The following CYP4X1 variants were observed in gnomAD, a reference collection of about 807,000 sequenced individuals.
CYP4X1 encodes cytochrome P450 family 4 subfamily X member 1.
A neutral mutation model predicts 57.9 loss-of-function variants in CYP4X1; 44 were observed. That is an observed-to-expected ratio of 0.76 (90% CI 0.60 to 0.98). The LOEUF is 0.98. Among genes scored for constraint, CYP4X1 ranks in the 50% least tolerant of loss-of-function variants. The pLI, the probability that CYP4X1 is intolerant of heterozygous loss-of-function variation, is 0.00. For synonymous variants in CYP4X1, 227 were observed against 228.6 expected (o/e 0.99, Z 0.06); for missense variants, 532 against 623.9 (o/e 0.85, Z 1.57).
chr1:47,010,962 C>A, the CYP4X1 span, among the ~76,000 whole-genome samples: 2 of 152,136 alleles, frequency 1.3e-5, no homozygotes, highest in Non-Finnish European at 2.9e-5. Context: ...GAATCAATAT[C>A]GTGAAAATGG....
the CYP4X1 span, among the ~76,000 whole-genome samples, chr1:46,980,850 C>G: frequency 6.6e-6 from 1 of 152,026 alleles, no homozygotes. Context: ...CTGATCTTTG[C>G]CAAACCTGAC....
chr1:46,980,029 T>A, the CYP4X1 span, among the ~76,000 whole-genome samples: 1 of 152,196 alleles, frequency 6.6e-6, no homozygotes. Context: ...TCATACTGAA[T>A]GGGCAAAACT....
chr1:46,984,292 G>A, the CYP4X1 span, among the ~76,000 whole-genome samples: 5 of 150,144 alleles, frequency 3.3e-5, no homozygotes, highest in Non-Finnish European at 5.9e-5. Flanking sequence ...TCTGTGGGTT[G>A]CATTTCTTCT....
upstream of CYP4X1, among the ~76,000 whole-genome samples, chr1:47,019,252 T>C (rs769088842): frequency 3.3e-5 from 5 of 152,200 alleles, no homozygotes; most frequent in Non-Finnish European, 7.4e-5. Context: ...CTGCGGTGAT[T>C]ACCCTTATCT....
chr1:46,967,060 C>T, the CYP4X1 span, among the ~76,000 whole-genome samples: 2 of 152,170 alleles, frequency 1.3e-5, no homozygotes, highest in Non-Finnish European at 2.9e-5. Context: ...CAATTAAATG[C>T]TATTCCAGAT....
chr1:47,039,395 A>G lies in CYP4X1; in HGVS notation c.936A>G (p.Thr312=), dbSNP rs2148511921. ...SDIDVHSEVS[T]FLLAGHDTLA... is the part of the protein sequence containing the mutation. ...TTGATGTACACTCTGAAGTGAGCAC[A>G]TTCCTGTTGGCAGGACATGACACCT... The change falls in exon 8 of 12, where the codon ACA becomes ACG. Residue 312 remains threonine, a synonymous_variant. Transcript: ENST00000371901. 6.2e-7 allele frequency: 1 copy of G among 1,613,658 alleles called. No individual in the cohort carries two copies. Among genetic ancestry groups the G allele is most frequent in the Non-Finnish European group, 8.5e-7 (1 of 1,179,764 alleles).
the CYP4X1 span, among the ~76,000 whole-genome samples, chr1:47,017,677 C>G: frequency 6.6e-5 from 10 of 152,300 alleles, no homozygotes; most frequent in African/African-American, 2.4e-4. Flanking sequence ...AAATGCATAT[C>G]TAATTGCCCC....
chr1:47,023,950 C>T lies in CYP4X1; in HGVS notation c.133C>T (p.Pro45Ser), dbSNP rs1214896896. The T allele has an allele frequency of 6.2e-7, 1 of 1,613,304 alleles. No individual in the cohort carries two copies. Among genetic ancestry groups the T allele is most frequent in the Non-Finnish European group, 8.5e-7 (1 of 1,179,914 alleles). The change falls in exon 1 of 12, where the codon CCC becomes TCC. Residue 45 changes from proline (P) to serine (S), a missense_variant. Pro to Ser is a moderately conservative substitution (Grantham distance 74, BLOSUM62 -1). Coordinates refer to ENST00000371901, the MANE Select transcript of CYP4X1 (RefSeq NM_178033.2). Reference protein sequence around the residue: ...RRQRLLRDLRPFPAPPTHWFL... With the variant: ...RRQRLLRDLRSFPAPPTHWFL... The stretch of plus-strand genomic sequence containing the variant: ...GCAGCGGCTGCTGCGGGACCTGCGC[C>T]CCTTCCCAGCGCCCCCCACCCACTG...
chr1:47,032,372 A>T (rs1644134069), intron 3 of CYP4X1, among the ~76,000 whole-genome samples: 1 of 152,176 alleles, frequency 6.6e-6, no homozygotes, highest in Non-Finnish European at 1.5e-5. Flanking sequence ...GAAGTCATTT[A>T]ATCTCTCCCT....
the CYP4X1 span, among the ~76,000 whole-genome samples, chr1:47,017,330 G>A: frequency 6.6e-6 from 1 of 152,202 alleles, no homozygotes; most frequent in South Asian, 2.1e-4. Context: ...TGAAAACAGG[G>A]ATGAAATATC....
the CYP4X1 span, among the ~76,000 whole-genome samples, chr1:46,998,405 T>A: frequency 6.6e-6 from 1 of 152,124 alleles, no homozygotes; most frequent in African/African-American, 2.4e-5. Flanking sequence ...AAATTCCTGA[T>A]TTGCCCATTT....
At chr1:46,993,106 C>T in the CYP4X1 span, among the ~76,000 whole-genome samples, 16 of 129,406 alleles carry the variant, frequency 1.2e-4, no homozygotes, top group African/African-American at 2.0e-4. Context: ...CAACAGGTCC[C>T]GGTGTGTGAT....
intron 1 of CYP4X1, among the ~76,000 whole-genome samples, chr1:47,025,486 T>C (rs1644052961): frequency 1.3e-5 from 2 of 152,344 alleles, no homozygotes; most frequent in South Asian, 4.1e-4. Context: ...TTACACTTCA[T>C]ATTCCACTGT....
the CYP4X1 span, among the ~76,000 whole-genome samples, chr1:47,009,880 A>G: frequency 1.3e-5 from 2 of 152,236 alleles, no homozygotes; most frequent in Non-Finnish European, 1.5e-5. Flanking sequence ...GAATGTCTGA[A>G]TAGACCAATA....
At chr1:47,021,168 A>AAAAAAT, upstream of CYP4X1, among the ~76,000 whole-genome samples, 1 of 149,378 alleles carries the variant, frequency 6.7e-6, no homozygotes, top group African/African-American at 2.5e-5. Context: ...AAAAAAAAAA[A>AAAAAAT]GGAAGGAGGC....
the CYP4X1 span, chr1:46,961,637 C>T: frequency 1.6e-6 from 2 of 1,289,926 alleles, no homozygotes; most frequent in Admixed American, 2.3e-5. Flanking sequence ...GCTGAAGTTC[C>T]CACCCTGCTT....
the CYP4X1 span, among the ~76,000 whole-genome samples, chr1:47,013,241 T>C: frequency 8.1e-4 from 124 of 152,358 alleles, no homozygotes; most frequent in Non-Finnish European, 1.5e-3. Flanking sequence ...TCACTATATA[T>C]GTCTGCGTAA....
intron 3 of CYP4X1, among the ~76,000 whole-genome samples, chr1:47,031,970 G>A (rs1157511547): frequency 6.6e-6 from 1 of 152,080 alleles, no homozygotes; most frequent in Non-Finnish European, 1.5e-5. Context: ...TTGAACCTAG[G>A]AGGTGGAGGT....
intron 8 of CYP4X1, among the ~76,000 whole-genome samples, chr1:47,043,975 A>G (rs1333001947): frequency 6.6e-6 from 1 of 152,012 alleles, no homozygotes; most frequent in African/African-American, 2.4e-5. Context: ...CATTCACTCT[A>G]TGTGTGTTCT....
Sources: allele counts gnomAD v4.1 joint callset (sites outside exome capture counted in the v4.1 genomes callset), GRCh38; gene constraint gnomAD v4.1.1; transcripts MANE v1.5; gene names NCBI Gene and HGNC (gene_info 2026-07-23, HGNC 2026-07-21).